The following ABCA8 variants were observed in gnomAD, a reference collection of about 807,000 sequenced individuals.
The protein encoded by ABCA8 is ABC-type organic anion transporter ABCA8.
ABCA8 carries 177 observed loss-of-function variants against 192.3 expected under a neutral mutation model. The ratio of observed to expected loss-of-function variants is 0.92; its 90% CI spans 0.81 to 1.04. The LOEUF (loss-of-function observed/expected upper bound fraction) is 1.04, where lower values mean the gene tolerates loss of function less well. ABCA8 is among the 50% of genes least tolerant of loss of function. The pLI is 0.00. For missense variants in ABCA8, 1,915 were observed against 1,904.8 expected (o/e 1.01, Z -0.10); for synonymous variants, 642 against 690.2 (o/e 0.93, Z 1.09).
intron 2 of ABCA8, among the ~76,000 whole-genome samples, chr17:68,942,913 A>G (rs1422264106): frequency 6.6e-6 from 1 of 152,194 alleles, no homozygotes; most frequent in East Asian, 1.9e-4. Context: ...ACACCTACAC[A>G]TACACCACTC....
chr17:68,907,246 A>G (rs1008227914), intron 18 of ABCA8, among the ~76,000 whole-genome samples: 3 of 152,180 alleles, frequency 2.0e-5, no homozygotes, highest in African/African-American at 7.2e-5. Context: ...CCACATATAC[A>G]GCAAGGTTAA....
intron 4 of ABCA8, among the ~76,000 whole-genome samples, chr17:68,938,016 G>A (rs1020041439): frequency 6.6e-5 from 10 of 151,984 alleles, no homozygotes; most frequent in Admixed American, 2.0e-4. Context: ...AGGTAATGTC[G>A]AGAAGCACAA....
chr17:68,941,978 G>C lies in ABCA8; in HGVS notation c.57C>G (p.Asn19Lys), dbSNP rs1173002126. The C allele has an allele frequency of 6.2e-7, 1 of 1,613,006 alleles. No individual in the cohort carries two copies. The change falls in exon 3 of 40, where the codon AAC (asparagine) becomes AAG (lysine). Residue 19 changes from asparagine to lysine, a missense_variant. Transcript: ENST00000586539. The stretch of plus-strand genomic sequence containing the variant: ...TTTTCATTCTCCATTTTTTAAGAAA[G>C]TTCTTGCATAATAAGGCCCAAGTTT... The part of the protein sequence containing the change: ...CQQTWALLCK[N>K]FLKKWRMKRE...
intron 14 of ABCA8, 110 bp downstream of exon 14, chr17:68,919,191 C>T: frequency 1.9e-6 from 2 of 1,060,086 alleles, no homozygotes; most frequent in South Asian, 1.9e-5. Context: ...TTTTCTTGTC[C>T]AACAATTGTA....
chr17:68,938,937 C>T (rs2068149876), intron 4 of ABCA8, among the ~76,000 whole-genome samples: 1 of 152,116 alleles, frequency 6.6e-6, no homozygotes, highest in East Asian at 1.9e-4. Flanking sequence ...AAATACATTG[C>T]TAGCATTATT....
At chr17:68,951,572 T>G (rs2068569569) in intron 1 of ABCA8, among the ~76,000 whole-genome samples, 1 of 152,186 alleles carries the variant, frequency 6.6e-6, no homozygotes, top group Admixed American at 6.5e-5. Flanking sequence ...AATTAAAAAT[T>G]TCCACTCTAA....
rs770848754 is a variant in ABCA8, at chr17:68,887,435, C to T, written c.3216G>A (p.Val1072=). The part of the protein sequence containing the change: ...PSAYWFGQAL[V]DVSLYFLVFV... ...AGACCAAGAAGTACAGGGAAACATC[C>T]ACCAGCGCCTGCCCAAACCAGTAAG... Residue 1072 remains valine (V), a synonymous_variant, in exon 25 of 40, where the codon GTG becomes GTA. Transcript: ENST00000586539. The T allele has an allele frequency of 1.2e-6, 2 of 1,613,796 alleles. No individual in the cohort carries two copies. Among genetic ancestry groups the T allele is most frequent in the Non-Finnish European group, 1.7e-6 (2 of 1,179,868 alleles).
In ABCA8 at chr17:68,894,239, A is replaced by T. The variant is rs200570759; in HGVS notation, c.2970T>A (p.Ser990Arg). ...NCFPVLMDIV[S>R]NGLLGMVKPS... The stretch of plus-strand genomic sequence containing the variant: ...GTTTAACCATTCCAAGTAGCCCATT[A>T]CTAACAATGTCCATAAGAACTGGGA... Residue 990 changes from serine to arginine, a missense_variant, in exon 23 of 40, where the codon AGT (serine) becomes AGA (arginine). Transcript: ENST00000586539. 2 of 1,613,268 alleles carry T rather than the reference A, an allele frequency of 1.2e-6. No individual in the cohort carries two copies. The highest frequency in any genetic ancestry group is 4.5e-5 in the East Asian group (2 of 44,758).
chr17:68,928,738 C>T (rs1272616494), intron 9 of ABCA8, among the ~76,000 whole-genome samples: 1 of 152,090 alleles, frequency 6.6e-6, no homozygotes, highest in African/African-American at 2.4e-5. Context: ...TAGGTAAAAA[C>T]ATGAACTGGA....
At chr17:68,901,819 A>C (rs1053299195) in intron 21 of ABCA8, among the ~76,000 whole-genome samples, 8 of 151,942 alleles carry the variant, frequency 5.3e-5, no homozygotes, top group Admixed American at 3.3e-4. Context: ...AAAAAAAAAA[A>C]AAAAAACCCC....
At chr17:68,935,539 C>CATATATATATATATATATATATAT (rs1567877214) in intron 5 of ABCA8, among the ~76,000 whole-genome samples, 13 of 41,828 alleles carry the variant, frequency 3.1e-4, no homozygotes, top group African/African-American at 1.2e-3. Context: ...GAGTAGTATT[C>CATATATATATATATATATATATAT]CTATATATAT....
intron 32 of ABCA8, chr17:68,880,190 T>A (rs954919326): frequency 6.6e-6 from 1 of 152,318 alleles, no homozygotes; most frequent in Non-Finnish European, 1.5e-5. Flanking sequence ...CTCAGCCAGA[T>A]TCACACAGAC....
At chr17:68,869,458 G>GC (rs1342887209) in intron 38 of ABCA8, among the ~76,000 whole-genome samples, 1 of 151,938 alleles carries the variant, frequency 6.6e-6, no homozygotes, top group African/African-American at 2.4e-5. Context: ...CAACATACAT[G>GC]CAAAAATACA....
At chr17:68,884,879 T>G (rs923825514) in intron 27 of ABCA8, 1 of 981,234 alleles carries the variant, frequency 1.0e-6, no homozygotes. Context: ...TCCCAAAGAT[T>G]AGGGACATTT....
At chr17:68,882,127 A>G (rs2066350915) in intron 30 of ABCA8, 147 bp from the exon 31 acceptor site, 1 of 699,344 alleles carries the variant, frequency 1.4e-6, no homozygotes, top group Admixed American at 2.5e-5. Flanking sequence ...CTCCTTGGCC[A>G]TGCCCTATCC....
chr17:68,872,992 A>G, intron 37 of ABCA8, among the ~76,000 whole-genome samples: 1 of 152,216 alleles, frequency 6.6e-6, no homozygotes, highest in Non-Finnish European at 1.5e-5. Flanking sequence ...TATTAAATAA[A>G]TTTTAAAAGT....
rs1158137858 is a variant in ABCA8 at position 68,923,760 on chromosome 17, C to G, written c.1442+941G>C. Among the ~76,000 whole-genome samples the G allele has an allele frequency of 2.0e-5, 3 of 152,138 alleles. No individual in the cohort carries two copies. The East Asian group carries it at 5.8e-4, about 29-fold the overall frequency. The stretch of plus-strand genomic sequence containing the variant: ...ATGGGCTCCTTAGAAGTTCAGCAAC[C>G]TGGGATAATCTGAGACATTTCACAG... On this transcript the variant is annotated intron_variant, in intron 11 of 39. Transcript: ENST00000586539.
Position 68,921,472 on chromosome 17 carries a change from C to G in ABCA8, c.1522G>C (p.Glu508Gln). The stretch of plus-strand genomic sequence containing the variant: ...CCAAGTATTGCAGTGATTTGGCCTT[C>G]GTAAATGTCAAATACCAGATCTAGG... ...ALKDLVFDIY[E>Q]GQITAILGHS... Residue 508 changes from glutamate (E) to glutamine (Q), a missense_variant, in exon 13 of 40, where the codon GAA (glutamate) becomes CAA (glutamine). Coordinates refer to ENST00000586539, the MANE Select transcript of ABCA8 (RefSeq NM_001288985.2). 2 of 1,593,462 alleles carry G rather than the reference C, an allele frequency of 1.3e-6. No homozygotes were observed. Among genetic ancestry groups the G allele is most frequent in the Non-Finnish European group, 1.7e-6 (2 of 1,167,342 alleles).
At chr17:68,884,919 C>A (rs1242979554) in intron 27 of ABCA8, 7 of 911,284 alleles carry the variant, frequency 7.7e-6, no homozygotes, top group Non-Finnish European at 7.9e-6. Flanking sequence ...CCGAGCATAT[C>A]AAGGAGGAAA....
Sources: gnomAD v4.1 joint callset for allele counts (sites outside exome capture counted in the v4.1 genomes callset) on GRCh38, gnomAD v4.1.1 for gene constraint, MANE v1.5 for transcripts, NCBI Gene and HGNC (gene_info 2026-07-23, HGNC 2026-07-21) for gene names.